Variants in PDE7B observed in about 807,000 individuals in gnomAD.
PDE7B encodes the protein phosphodiesterase 7B.
Under a neutral mutation model 56.2 loss-of-function variants are expected in PDE7B, and 29 were observed. The observed-to-expected ratio is 0.52, with a 90% CI of 0.38 to 0.70. The LOEUF is 0.70. Ranked by LOEUF, PDE7B falls within the 30% of genes least tolerant of loss-of-function variation. The pLI, the probability that PDE7B is intolerant of heterozygous loss-of-function variation, is 0.00. For missense variants in PDE7B, 490 were observed against 565.0 expected (o/e 0.87, Z 1.35); for synonymous variants, 197 against 196.9 (o/e 1.00, Z 0.00).
intron 2 of PDE7B, among the ~76,000 whole-genome samples, chr6:136,059,716 T>G (rs1342480751): frequency 6.6e-6 from 1 of 152,216 alleles, no homozygotes; most frequent in East Asian, 1.9e-4. Flanking sequence ...CCCAAAATCA[T>G]GCTGCTCAGT....
intron 2 of PDE7B, among the ~76,000 whole-genome samples, chr6:136,016,677 A>G (rs559105151): frequency 7.9e-5 from 12 of 152,136 alleles, no homozygotes; most frequent in Admixed American, 6.5e-4. Context: ...GCAGCATGCC[A>G]CACCTCTCCC....
chr6:135,909,229 G>T (rs564688408), intron 1 of PDE7B, among the ~76,000 whole-genome samples: 1 of 152,212 alleles, frequency 6.6e-6, no homozygotes, highest in Non-Finnish European at 1.5e-5. Context: ...GAATGCGAGT[G>T]TGTAGAGAAA....
intron 1 of PDE7B, among the ~76,000 whole-genome samples, chr6:135,888,940 T>G (rs930712870): frequency 1.3e-5 from 2 of 152,184 alleles, no homozygotes; most frequent in African/African-American, 4.8e-5. Context: ...GTTGTGTGAT[T>G]TCTATAAGTT....
At chr6:135,974,348 A>G (rs539969817) in intron 2 of PDE7B, among the ~76,000 whole-genome samples, 1 of 152,014 alleles carries the variant, frequency 6.6e-6, no homozygotes, top group African/African-American at 2.4e-5. Flanking sequence ...ATATATGTAC[A>G]TATATAAAAT....
At chr6:136,152,194 TATA>T (rs1778532459) in intron 6 of PDE7B, among the ~76,000 whole-genome samples, 1 of 152,056 alleles carries the variant, frequency 6.6e-6, no homozygotes, top group Non-Finnish European at 1.5e-5. Flanking sequence ...TATAATAAAT[TATA>T]TATAAAGAAA....
rs60877369 is a variant in PDE7B at position 136,150,855 on chromosome 6, A to ATGTGTGTGTGTGTGTG, written c.383-290_383-289insGTGTGTGTGTGTGTGT. The stretch of plus-strand genomic sequence containing the variant: ...TCTTTAAAAAAATACACATATACAC[A>ATGTGTGTGTGTGTGTG]TGTGTGTGTGTGTGTATGTGTATGT... On this transcript the variant is annotated intron_variant, in intron 5 of 12. Coordinates refer to ENST00000308191, the MANE Select transcript of PDE7B (RefSeq NM_018945.4). Among the ~76,000 whole-genome samples the ATGTGTGTGTGTGTGTG allele has an allele frequency of 7.7e-3, 1,162 of 150,612 alleles. 5 individuals carry two copies. Among genetic ancestry groups the ATGTGTGTGTGTGTGTG allele is most frequent in the South Asian group, 0.027 (127 of 4,758 alleles).
intron 2 of PDE7B, among the ~76,000 whole-genome samples, chr6:136,073,382 A>G (rs1209249766): frequency 6.6e-6 from 1 of 152,222 alleles, no homozygotes; most frequent in Non-Finnish European, 1.5e-5. Context: ...TGTCTTAATC[A>G]GCTAAGGCTG....
At position 136,090,125 on chromosome 6, in the gene PDE7B, C is replaced by T. The variant is rs145939796; in HGVS notation, c.83-18606C>T. ...GTGTTAGCCTTGAATGACTCACAAG[C>T]GACTGTTCTTTTTTATCATCAGAGA... On this transcript the variant is annotated intron_variant, in intron 2 of 12. Transcript: ENST00000308191. Among the ~76,000 whole-genome samples the T allele has an allele frequency of 7.0e-4, 107 of 152,160 alleles. No individual in the cohort carries two copies. In the East Asian group the frequency reaches 0.014, roughly 20 times the overall value.
intron 2 of PDE7B, among the ~76,000 whole-genome samples, chr6:136,013,881 T>C (rs558071289): frequency 2.0e-5 from 3 of 152,332 alleles, no homozygotes; most frequent in Non-Finnish European, 2.9e-5. Flanking sequence ...CCTGACATAC[T>C]GTACAAACTT....
chr6:136,095,735 C>G lies in PDE7B; in HGVS notation c.83-12996C>G, dbSNP rs531497751. The G allele has an allele frequency of 3.3e-5, 5 of 152,312 alleles. No individual in the cohort carries two copies. In the East Asian group the frequency reaches 9.7e-4, roughly 29 times the overall value. The allele number at this position is 152,312 out of a possible 1,614,324, so 9.4% of individuals were successfully genotyped here. On this transcript the variant is annotated intron_variant, in intron 2 of 12. Transcript: ENST00000308191. ...AGTCACCTTAATTTCCGGTCTGTCT[C>G]CATACTCACTGGCCATGTCATCTGG...
intron 3 of PDE7B, among the ~76,000 whole-genome samples, chr6:136,131,708 T>C (rs960769480): frequency 6.6e-6 from 1 of 152,118 alleles, no homozygotes; most frequent in Non-Finnish European, 1.5e-5. Context: ...GACATGTGTT[T>C]TCAATTTTAA....
chr6:135,950,825 G>T (rs6907337), intron 2 of PDE7B, among the ~76,000 whole-genome samples: 3 of 151,990 alleles, frequency 2.0e-5, no homozygotes, highest in Admixed American at 2.0e-4. Flanking sequence ...TCTACCTCAC[G>T]ACTTCCATGA....
chr6:136,139,183 T>C (rs1160798445), intron 3 of PDE7B, among the ~76,000 whole-genome samples: 3 of 152,132 alleles, frequency 2.0e-5, no homozygotes, highest in Admixed American at 2.0e-4. Context: ...TGTGTTCTCA[T>C]TGTTCAATTC....
intron 1 of PDE7B, among the ~76,000 whole-genome samples, chr6:135,870,526 T>A (rs1775357901): frequency 6.6e-6 from 1 of 151,112 alleles, no homozygotes; most frequent in Non-Finnish European, 1.5e-5. Flanking sequence ...TTGTGAAATG[T>A]ACATTTCACA....
intron 1 of PDE7B, among the ~76,000 whole-genome samples, chr6:135,900,573 AT>A (rs372683992): frequency 3.8e-4 from 56 of 148,510 alleles, no homozygotes; most frequent in African/African-American, 8.4e-4. Flanking sequence ...TTTCATCCTG[AT>A]TTTTTTTTTC....
chr6:135,980,650 C>T (rs955935677), intron 2 of PDE7B, among the ~76,000 whole-genome samples: 23 of 151,356 alleles, frequency 1.5e-4, no homozygotes, highest in African/African-American at 5.1e-4. Context: ...TCTCAAAAGA[C>T]GACATTTATG....
intron 10 of PDE7B, 34 bp downstream of exon 10, chr6:136,179,175 G>C (rs747534857): frequency 6.2e-7 from 1 of 1,606,250 alleles, no homozygotes; most frequent in Non-Finnish European, 8.5e-7. Context: ...TCTTTTTGCT[G>C]AGTGAAAACA....
intron 1 of PDE7B, among the ~76,000 whole-genome samples, chr6:135,883,478 A>C (rs1485655986): frequency 1.3e-5 from 2 of 152,212 alleles, no homozygotes; most frequent in African/African-American, 4.8e-5. Context: ...TTTCTATGAA[A>C]AGTAATTTCT....
intron 2 of PDE7B, among the ~76,000 whole-genome samples, chr6:136,068,301 G>A (rs1776981082): frequency 6.6e-6 from 1 of 152,074 alleles, no homozygotes; most frequent in African/African-American, 2.4e-5. Flanking sequence ...TGGGGGCGGC[G>A]TGCCAGGTCA....
Sources: allele counts gnomAD v4.1 joint callset (sites outside exome capture counted in the v4.1 genomes callset), GRCh38; gene constraint gnomAD v4.1.1; transcripts MANE v1.5; gene names NCBI Gene and HGNC (gene_info 2026-07-23, HGNC 2026-07-21).